The following WNK1 variants were observed in gnomAD, a reference collection of about 807,000 sequenced individuals.
WNK1 encodes the protein WNK lysine deficient protein kinase 1, also known as serine/threonine-protein kinase WNK1.
In WNK1, 38 loss-of-function variants were observed where a neutral mutation model predicts 222.8. That is an observed-to-expected ratio of 0.17 (90% CI 0.13 to 0.22). WNK1 has a LOEUF of 0.22. WNK1 is among the 10% of genes least tolerant of loss of function. The probability of loss-of-function intolerance (pLI) is 1.00; values close to 1 mark genes in which losing one functional copy is unlikely to be tolerated. For synonymous variants in WNK1, 1,090 were observed against 1,092.9 expected (o/e 1.00, Z 0.05); for missense variants, 2,348 against 2,918.4 (o/e 0.80, Z 4.50).
intron 23 of WNK1, 72 bp from the exon 24 acceptor site, chr12:895,998 CT>C (rs1954706291): frequency 6.3e-7 from 1 of 1,593,290 alleles, no homozygotes; most frequent in Middle Eastern, 1.7e-4. Context: ...TCTTTTTTTC[CT>C]TTTTTAAATT....
chr12:910,056 G>C lies in WNK1; in HGVS notation c.*1264G>C, dbSNP rs1955975690. 1 of 150,918 alleles carries C rather than the reference G, an allele frequency of 6.6e-6. No homozygotes were observed. Among genetic ancestry groups the C allele is most frequent in the African/African-American group, 2.4e-5 (1 of 40,992 alleles). 9.3% of individuals were successfully genotyped at this position (150,918 alleles called of 1,614,324 possible). On this transcript the variant is annotated 3_prime_UTR_variant, in exon 28 of 28. Coordinates refer to ENST00000315939, the MANE Select transcript of WNK1 (RefSeq NM_018979.4). ...CAAACGTGATGCCTGGCCAGTGACTGTCATATAAACCTTTCTTATTTGAGC... is the reference window on the plus strand; with the variant it reads ...CAAACGTGATGCCTGGCCAGTGACTCTCATATAAACCTTTCTTATTTGAGC...
At chr12:892,554 G>A (rs532303960) in intron 22 of WNK1, among the ~76,000 whole-genome samples, 178 of 152,132 alleles carry the variant, frequency 1.2e-3, no homozygotes, top group Non-Finnish European at 2.0e-3. Context: ...AAGTGCCACC[G>A]ATTGCAAATA....
chr12:832,192 C>T (rs1186837001), intron 4 of WNK1, among the ~76,000 whole-genome samples: 3 of 152,140 alleles, frequency 2.0e-5, no homozygotes, highest in African/African-American at 7.2e-5. Flanking sequence ...TCTCCTGCCT[C>T]AGCCTCCCAA....
At chr12:778,510 C>G (rs551381649) in intron 1 of WNK1, among the ~76,000 whole-genome samples, 4 of 151,894 alleles carry the variant, frequency 2.6e-5, no homozygotes, top group African/African-American at 9.7e-5. Context: ...TTTATATTTT[C>G]AGTAGAGACA....
At chr12:792,366 G>A (rs1944926096) in intron 1 of WNK1, among the ~76,000 whole-genome samples, 1 of 139,072 alleles carries the variant, frequency 7.2e-6, no homozygotes, top group Non-Finnish European at 1.5e-5. Context: ...AGGCTGGAGC[G>A]CAGTGGTGCA....
intron 1 of WNK1, among the ~76,000 whole-genome samples, chr12:774,247 C>G (rs1453072774): frequency 1.3e-5 from 2 of 152,198 alleles, no homozygotes; most frequent in Non-Finnish European, 2.9e-5. Context: ...TATTGTCTCT[C>G]CCTTCTCCCT....
intron 1 of WNK1, among the ~76,000 whole-genome samples, chr12:768,246 G>T (rs1223830068): frequency 6.6e-6 from 1 of 152,006 alleles, no homozygotes; most frequent in Non-Finnish European, 1.5e-5. Flanking sequence ...GGCAATTATC[G>T]TTCCTCAACC....
chr12:771,232 C>T (rs934165111), intron 1 of WNK1, among the ~76,000 whole-genome samples: 41 of 151,878 alleles, frequency 2.7e-4, no homozygotes, highest in Admixed American at 1.3e-4. Context: ...CTCCTGACCT[C>T]GTGATCCGCC....
chr12:763,894 T>G (rs1463210953), intron 1 of WNK1, among the ~76,000 whole-genome samples: 1 of 147,546 alleles, frequency 6.8e-6, no homozygotes, highest in African/African-American at 2.4e-5. Context: ...TCAAAGGTTT[T>G]TTTTAAGTTT....
At position 753,891 on chromosome 12, in the gene WNK1, C is replaced by T. The variant is rs369558387; in HGVS notation, c.326C>T (p.Ala109Val). 6.2e-7 allele frequency: 1 copy of T among 1,611,774 alleles called. No individual in the cohort carries two copies. Among genetic ancestry groups the T allele is most frequent in the African/African-American group, 1.3e-5 (1 of 75,032 alleles). The change falls in exon 1 of 28, where the codon GCG (alanine) becomes GTG (valine). Residue 109 changes from alanine to valine, a missense_variant. Physicochemically the swap from Ala to Val is moderately conservative, Grantham distance 64 (BLOSUM62 0). This residue lies in a region of WNK1 where 185 missense variants were observed against 159.2 expected (regional missense o/e 1.16). Transcript: ENST00000315939. This position sits in a 1 kb window ranked among gnomAD's most constrained non-coding sequence, Gnocchi z 5.2. ...TCCCTGCCCCAGCCCAGCATCCCCG[C>T]GGCTGTCCCGCAGAGTGCTCCACCG... is the stretch of plus-strand genomic sequence containing the variant. ...PLSLPQPSIP[A>V]AVPQSAPPEP...
At chr12:821,446 G>A (rs1947872435) in intron 2 of WNK1, among the ~76,000 whole-genome samples, 1 of 152,168 alleles carries the variant, frequency 6.6e-6, no homozygotes, top group Non-Finnish European at 1.5e-5. Flanking sequence ...AAGCCATCCA[G>A]TCCTAGACTT....
In WNK1 at chr12:753,488, C is replaced by G. The variant is rs72647366; in HGVS notation, c.-78C>G. ...CCCGGCCGCGGTTCCCTGCAGACCT[C>G]TGCGCGGGCGGCTCGGCCCTTCACG... On this transcript the variant is annotated 5_prime_UTR_variant, in exon 1 of 28. Transcript: ENST00000315939. The surrounding 1 kb of genome is among the most constrained non-coding windows in gnomAD (Gnocchi z 5.2). The G allele has an allele frequency of 1.5e-5, 24 of 1,594,552 alleles. No homozygotes were observed. Among genetic ancestry groups the G allele is most frequent in the Non-Finnish European group, 2.0e-5 (23 of 1,172,104 alleles).
chr12:911,264 C>CAATGT lies in WNK1; in HGVS notation c.*2474_*2478dup, dbSNP rs1487462991. 2.3e-5 allele frequency: 9 copies of CAATGT among 398,416 alleles called. No homozygotes were observed. Among genetic ancestry groups the CAATGT allele is most frequent in the Non-Finnish European group, 4.4e-6 (1 of 226,054 alleles). 24.7% of individuals were successfully genotyped at this position (398,416 alleles called of 1,614,324 possible). On this transcript the variant is annotated 3_prime_UTR_variant, in exon 28 of 28. Transcript: ENST00000315939. ...TAAATGTTTTCCTTACATTATTTAA[C>CAATGT]AATGTACACTGTTAAAAATAAAAAT...
rs1952120006 is a variant in WNK1 at position 871,248 on chromosome 12, T to G, written c.2140-17T>G. On this transcript the variant is annotated splice_polypyrimidine_tract_variant and intron_variant, in intron 8 of 27. Transcript: ENST00000315939. ...TTAGGCCTTCTCTAATTTGTTGTGT[T>G]CACTTCTTTCCTTCAGGCACAGGGG... 1.9e-6 allele frequency: 3 copies of G among 1,613,342 alleles called. No individual in the cohort carries two copies. The highest frequency in any genetic ancestry group is 3.3e-5 in the Admixed American group (2 of 60,008).
intron 23 of WNK1, 53 bp from the exon 24 acceptor site, chr12:896,018 T>C: frequency 6.2e-7 from 1 of 1,608,724 alleles, no homozygotes; most frequent in Non-Finnish European, 8.5e-7. Context: ...TTGTCTGTGA[T>C]AGAAATTGGA....
At position 879,823 on chromosome 12, in the gene WNK1, C is replaced by T. The variant is rs529032048; in HGVS notation, c.2624C>T (p.Thr875Met). Reference protein sequence around the residue: ...MAAGITQPLLTLASSATTAAI... With the variant: ...MAAGITQPLLMLASSATTAAI... ...GCTGGCATTACTCAGCCTCTGCTCACGTTGGCTTCATCTGCTACAACAGCT... is the reference window on the plus strand; with the variant it reads ...GCTGGCATTACTCAGCCTCTGCTCATGTTGGCTTCATCTGCTACAACAGCT... Residue 875 changes from threonine to methionine, a missense_variant, in exon 11 of 28, where the codon ACG becomes ATG. Thr to Met is a moderately conservative substitution (Grantham distance 81). Coordinates refer to ENST00000315939, the MANE Select transcript of WNK1 (RefSeq NM_018979.4). 13 of 1,614,068 alleles carry T rather than the reference C, an allele frequency of 8.1e-6. No homozygotes were observed. The highest frequency in any genetic ancestry group is 4.0e-5 in the African/African-American group (3 of 74,924).
At position 880,755 on chromosome 12, in the gene WNK1, G is replaced by A; in HGVS notation, c.2867G>A (p.Gly956Glu). Residue 956 changes from glycine to glutamate, a missense_variant, in exon 12 of 28, where the codon GGA (glycine) becomes GAA (glutamate). By Grantham distance (98) the Gly-to-Glu change is moderately conservative. This residue lies in a region of WNK1 where 547 missense variants were observed against 558.3 expected (regional missense o/e 0.98). Coordinates refer to ENST00000315939, the MANE Select transcript of WNK1 (RefSeq NM_018979.4). ...FPPRLPPQYP[G>E]DSNIAPSSNV... is the part of the protein sequence containing the mutation. ...CCTCGACTGCCACCACAGTACCCAGGAGATTCAAATATTGCTCCCTCTTCC... is the reference window on the plus strand; with the variant it reads ...CCTCGACTGCCACCACAGTACCCAGAAGATTCAAATATTGCTCCCTCTTCC... 1 of 1,613,784 alleles carries A rather than the reference G, an allele frequency of 6.2e-7. No individual in the cohort carries two copies. Among genetic ancestry groups the A allele is most frequent in the Non-Finnish European group, 8.5e-7 (1 of 1,179,956 alleles).
At chr12:893,523 A>C (rs1592214347) in intron 22 of WNK1, among the ~76,000 whole-genome samples, 1 of 152,306 alleles carries the variant, frequency 6.6e-6, no homozygotes, top group East Asian at 1.9e-4. Flanking sequence ...TAAATTGCCC[A>C]AAACTAAATA....
intron 23 of WNK1, among the ~76,000 whole-genome samples, chr12:895,786 T>C (rs1423494016): frequency 3.9e-5 from 6 of 152,214 alleles, no homozygotes; most frequent in Non-Finnish European, 8.8e-5. Flanking sequence ...ATATGTTGAC[T>C]AAGACATAAA....
Sources: gnomAD v4.1 joint callset for allele counts (sites outside exome capture counted in the v4.1 genomes callset) on GRCh38, gnomAD v4.1.1 for gene constraint, gnomAD v4.1.1 regional missense constraint, Gnocchi (gnomAD v3.1) non-coding constraint, MANE v1.5 for transcripts, NCBI Gene and HGNC (gene_info 2026-07-23, HGNC 2026-07-21) for gene names.